The following OSBPL6 variants were observed in gnomAD, a reference collection of about 807,000 sequenced individuals.
The protein encoded by OSBPL6 is oxysterol-binding protein-related protein 6.
Under a neutral mutation model 125.8 loss-of-function variants are expected in OSBPL6, and 49 were observed. The ratio of observed to expected loss-of-function variants is 0.39; its 90% CI spans 0.31 to 0.49. The LOEUF is 0.49. Ranked by LOEUF, OSBPL6 falls within the 20% of genes least tolerant of loss-of-function variation. OSBPL6 has a pLI of 0.88. For synonymous variants in OSBPL6, 394 were observed against 391.8 expected, an observed-to-expected ratio of 1.01 and a Z score of -0.07; for missense variants, 986 against 1,135.4, an observed-to-expected ratio of 0.87 and a Z score of 1.89.
chr2:178,272,664 C>T (rs1013722028), intron 1 of OSBPL6, among the ~76,000 whole-genome samples: 1 of 152,204 alleles, frequency 6.6e-6, no homozygotes, highest in African/African-American at 2.4e-5. Flanking sequence ...GGAAACAAGT[C>T]TCATTGCATA....
At chr2:178,384,631 C>G (rs1694771221) in intron 18 of OSBPL6, among the ~76,000 whole-genome samples, 1 of 152,142 alleles carries the variant, frequency 6.6e-6, no homozygotes, top group Non-Finnish European at 1.5e-5. Context: ...ATGCCTCAGT[C>G]TCACTCTGTG....
intron 24 of OSBPL6, 31 bp downstream of exon 24, chr2:178,394,466 T>C: frequency 1.3e-6 from 2 of 1,581,966 alleles, no homozygotes; most frequent in East Asian, 2.2e-5. Context: ...AGCAAGTTCA[T>C]GTTTTGCAAA....
intron 1 of OSBPL6, among the ~76,000 whole-genome samples, chr2:178,240,188 A>T (rs2091232691): frequency 6.6e-6 from 1 of 152,154 alleles, no homozygotes; most frequent in Non-Finnish European, 1.5e-5. Context: ...TGGGAAGATG[A>T]AAAGGTTCTG....
chr2:178,395,342 TG>T, intron 24 of OSBPL6, 108 bp from the exon 25 acceptor site: 1 of 671,640 alleles, frequency 1.5e-6, no homozygotes, highest in Non-Finnish European at 2.5e-6. Flanking sequence ...AGATACTAAC[TG>T]GCTTACAAAC....
chr2:178,369,799 T>C lies in OSBPL6; in HGVS notation c.1288-2327T>C, dbSNP rs776724827. Among the ~76,000 whole-genome samples, 81 of 152,216 alleles carry C rather than the reference T, an allele frequency of 5.3e-4. 1 individual carries two copies. The highest frequency in any genetic ancestry group is 3.2e-3 in the Middle Eastern group (1 of 316). On this transcript the variant is annotated intron_variant, in intron 13 of 24. Transcript: ENST00000190611. ...TTAAATATCCAGAGCAAGCTTTTCT[T>C]ATAAATGGCAAACCTATCTTTAACA... is the stretch of plus-strand genomic sequence containing the variant.
intron 1 of OSBPL6, among the ~76,000 whole-genome samples, chr2:178,199,497 C>T (rs1285613932): frequency 6.6e-6 from 1 of 151,666 alleles, no homozygotes; most frequent in Non-Finnish European, 1.5e-5. Context: ...TTGCCTGGCT[C>T]TCTGAGATAT....
intron 1 of OSBPL6, among the ~76,000 whole-genome samples, chr2:178,208,897 A>T (rs1463331355): frequency 4.9e-5 from 6 of 123,540 alleles, no homozygotes; most frequent in Non-Finnish European, 8.9e-5. Context: ...AAATATTTTT[A>T]CACTATTCTC....
chr2:178,282,193 C>A (rs1039765686), intron 1 of OSBPL6, among the ~76,000 whole-genome samples: 1 of 151,994 alleles, frequency 6.6e-6, no homozygotes, highest in East Asian at 1.9e-4. Flanking sequence ...AAGACTATGG[C>A]GAAAGAAGAA....
At chr2:178,287,246 T>C (rs762019090) in intron 2 of OSBPL6, among the ~76,000 whole-genome samples, 1 of 151,354 alleles carries the variant, frequency 6.6e-6, no homozygotes. Context: ...GTAATGCCTG[T>C]TATTTAAGCA....
At chr2:178,254,987 C>G (rs1204417861) in intron 1 of OSBPL6, among the ~76,000 whole-genome samples, 1 of 152,106 alleles carries the variant, frequency 6.6e-6, no homozygotes, top group Non-Finnish European at 1.5e-5. Flanking sequence ...AGCAAAGTCA[C>G]GTCTTACAGG....
chr2:178,258,047 T>G (rs1391516092), intron 1 of OSBPL6, among the ~76,000 whole-genome samples: 2 of 152,136 alleles, frequency 1.3e-5, no homozygotes, highest in African/African-American at 4.8e-5. Flanking sequence ...CACCAAAGCC[T>G]CCCAAAGTGC....
intron 1 of OSBPL6, among the ~76,000 whole-genome samples, chr2:178,237,708 C>T (rs945439568): frequency 2.0e-5 from 3 of 152,314 alleles, no homozygotes; most frequent in Admixed American, 1.3e-4. Flanking sequence ...GGCCTCTACC[C>T]ACCAGATACT....
intron 12 of OSBPL6, among the ~76,000 whole-genome samples, chr2:178,357,969 C>T (rs982164065): frequency 6.6e-6 from 1 of 152,152 alleles, no homozygotes; most frequent in African/African-American, 2.4e-5. Flanking sequence ...TCATTCTCAG[C>T]AAACTATCAC....
chr2:178,358,361 A>G (rs1257084893), intron 12 of OSBPL6, among the ~76,000 whole-genome samples: 1 of 152,246 alleles, frequency 6.6e-6, no homozygotes, highest in Non-Finnish European at 1.5e-5. Flanking sequence ...TTACAAAGCT[A>G]TAGTAATCAA....
intron 11 of OSBPL6, among the ~76,000 whole-genome samples, chr2:178,348,325 TGCAGTAA>T (rs1678012119): frequency 6.6e-6 from 1 of 152,222 alleles, no homozygotes; most frequent in South Asian, 2.1e-4. Flanking sequence ...TGCACGTCTT[TGCAGTAA>T]GAAATAGGGA....
intron 12 of OSBPL6, among the ~76,000 whole-genome samples, chr2:178,354,005 G>A (rs1325122158): frequency 1.3e-5 from 2 of 152,140 alleles, no homozygotes; most frequent in Admixed American, 6.5e-5. Flanking sequence ...ATAAGAAAGA[G>A]AAATAAAATC....
At chr2:178,311,020 C>T (rs1294419156) in intron 3 of OSBPL6, among the ~76,000 whole-genome samples, 2 of 152,178 alleles carry the variant, frequency 1.3e-5, no homozygotes, top group African/African-American at 4.8e-5. Flanking sequence ...GGAGTAGTAC[C>T]TTCACAACCT....
intron 1 of OSBPL6, among the ~76,000 whole-genome samples, chr2:178,208,922 G>A (rs928400181): frequency 6.8e-6 from 1 of 147,100 alleles, no homozygotes; most frequent in Non-Finnish European, 1.5e-5. Context: ...TTGATTTATA[G>A]TCTGGGCCTA....
At chr2:178,267,353 C>CAAAA (rs57444695) in intron 1 of OSBPL6, among the ~76,000 whole-genome samples, 305 of 81,318 alleles carry the variant, frequency 3.8e-3, no homozygotes, top group East Asian at 5.5e-3. Context: ...AACTCCATCT[C>CAAAA]AAAAAAAAAA....
Sources: allele counts gnomAD v4.1 joint callset (sites outside exome capture counted in the v4.1 genomes callset), GRCh38; gene constraint gnomAD v4.1.1; transcripts MANE v1.5; gene names NCBI Gene and HGNC (gene_info 2026-07-23, HGNC 2026-07-21).